PHACTR3: variants seen among roughly 807,000 people sequenced by gnomAD.
PHACTR3 encodes phosphatase and actin regulator 3.
Under a neutral mutation model 66.8 loss-of-function variants are expected in PHACTR3, and 16 were observed. That is an observed-to-expected ratio of 0.24 (90% CI 0.16 to 0.36). The LOEUF is 0.36. Among genes scored for constraint, PHACTR3 ranks in the 10% least tolerant of loss-of-function variants. The pLI, the probability that PHACTR3 is intolerant of heterozygous loss-of-function variation, is 1.00. For synonymous variants in PHACTR3, 323 were observed against 292.1 expected, an observed-to-expected ratio of 1.11 and a Z score of -1.08; for missense variants, 647 against 719.9, an observed-to-expected ratio of 0.90 and a Z score of 1.16.
At chr20:59,822,008 C>CCCTT (rs1233025869) in intron 8 of PHACTR3, among the ~76,000 whole-genome samples, 1 of 142,714 alleles carries the variant, frequency 7.0e-6, no homozygotes, top group Non-Finnish European at 1.5e-5. Flanking sequence ...GCAATCCCAC[C>CCCTT]CCTTCCCCAG....
intron 1 of PHACTR3, among the ~76,000 whole-genome samples, chr20:59,608,805 G>T (rs893106623): frequency 3.9e-5 from 6 of 152,138 alleles, no homozygotes; most frequent in African/African-American, 1.4e-4. Context: ...CCACCCCAGG[G>T]AACTCTGATC....
chr20:59,655,754 A>T, intron 1 of PHACTR3, among the ~76,000 whole-genome samples: 2 of 149,756 alleles, frequency 1.3e-5, no homozygotes, highest in African/African-American at 2.5e-5. Context: ...TTATTTTGAG[A>T]TTTTTCTTTT....
intron 8 of PHACTR3, among the ~76,000 whole-genome samples, chr20:59,809,243 C>T (rs1015732241): frequency 2.6e-5 from 4 of 152,080 alleles, no homozygotes; most frequent in Non-Finnish European, 4.4e-5. Context: ...GGATAGAGCA[C>T]GAGGTCCTAC....
chr20:59,639,560 T>C (rs895822658), intron 1 of PHACTR3, among the ~76,000 whole-genome samples: 2 of 152,184 alleles, frequency 1.3e-5, no homozygotes, highest in Non-Finnish European at 2.9e-5. Flanking sequence ...AGAATATTCA[T>C]AAAGCTGACT....
Position 59,605,152 on chromosome 20 carries a change from C to T in PHACTR3, c.118+20C>T. ...ACCCAGGTAACGGGCTGGGCGGGGGCGGCGGGCGGGTCGGGGAGGCCCGAG... is the reference window on the plus strand; with the variant it reads ...ACCCAGGTAACGGGCTGGGCGGGGGTGGCGGGCGGGTCGGGGAGGCCCGAG... On this transcript the variant is annotated intron_variant, in intron 1 of 12. Coordinates refer to ENST00000371015, the MANE Select transcript of PHACTR3 (RefSeq NM_080672.5). 2 of 262,420 alleles carry T rather than the reference C, an allele frequency of 7.6e-6. No homozygotes were observed. Among genetic ancestry groups the T allele is most frequent in the Non-Finnish European group, 1.4e-5 (2 of 142,340 alleles). The allele number at this position is 262,420 out of a possible 1,614,324, so 16.3% of individuals were successfully genotyped here. A position where few individuals can be genotyped will look rare whatever the true frequency, so the allele number is the denominator to read the frequency against.
At chr20:59,641,715 G>A (rs1160039971) in intron 1 of PHACTR3, among the ~76,000 whole-genome samples, 4 of 152,148 alleles carry the variant, frequency 2.6e-5, no homozygotes, top group African/African-American at 9.7e-5. Flanking sequence ...ACCATCCCAT[G>A]CATATCTATA....
At chr20:59,681,057 G>A (rs895443730) in intron 1 of PHACTR3, among the ~76,000 whole-genome samples, 2 of 152,206 alleles carry the variant, frequency 1.3e-5, no homozygotes, top group African/African-American at 4.8e-5. Context: ...GGGTTTTCAG[G>A]CTGCCTCCTT....
At chr20:59,751,114 C>T (rs142574521) in intron 3 of PHACTR3, among the ~76,000 whole-genome samples, 10 of 152,318 alleles carry the variant, frequency 6.6e-5, no homozygotes, top group South Asian at 2.1e-4. Context: ...GGGGTAGGCA[C>T]GCAGTGCCGC....
At chr20:59,612,688 A>G (rs2033893184) in intron 1 of PHACTR3, among the ~76,000 whole-genome samples, 1 of 152,204 alleles carries the variant, frequency 6.6e-6, no homozygotes, top group Non-Finnish European at 1.5e-5. Flanking sequence ...CTGGCTGACC[A>G]TCCTGTTTTA....
At chr20:59,772,284 G>A (rs1188394325) in intron 5 of PHACTR3, among the ~76,000 whole-genome samples, 1 of 152,222 alleles carries the variant, frequency 6.6e-6, no homozygotes, top group Non-Finnish European at 1.5e-5. Flanking sequence ...AATGAGCAAA[G>A]CCTGTTTAGA....
intron 8 of PHACTR3, among the ~76,000 whole-genome samples, chr20:59,822,360 A>G (rs2042071496): frequency 6.9e-6 from 1 of 144,302 alleles, no homozygotes; most frequent in South Asian, 2.3e-4. Context: ...CACTGGGCCT[A>G]GGATGGGGGG....
rs1371507011 is a variant in PHACTR3, at chr20:59,622,992, A to AAAAAAAAAAAAAAAAAAAAC, written c.118+17869_118+17870insAAAAAAAAAACAAAAAAAAA. 1.4e-5 allele frequency among the ~76,000 whole-genome samples: 2 copies of AAAAAAAAAAAAAAAAAAAAC among 145,176 alleles called. 1 individual carries two copies. The highest frequency in any genetic ancestry group is 3.0e-5 in the Non-Finnish European group (2 of 65,834). Reference sequence around the variant, plus strand: ...ACAGCAGCTTTAACCAAAAAAAAAAAAAAAAAAAACCCAAATCTTCAGCAA... The same window carrying AAAAAAAAAAAAAAAAAAAAC: ...ACAGCAGCTTTAACCAAAAAAAAAAAAAAAAAAAAAAAAAAAAAACAAAAAAAAACCCAAATCTTCAGCAA... On this transcript the variant is annotated intron_variant, in intron 1 of 12. Transcript: ENST00000371015.
Position 59,845,702 on chromosome 20 carries a change from C to T in PHACTR3, c.1664+437C>T, listed in dbSNP as rs568585471. Among the ~76,000 whole-genome samples, 8 of 152,192 alleles carry T rather than the reference C, an allele frequency of 5.3e-5. No individual in the cohort carries two copies. The South Asian group carries it at 8.3e-4, about 16-fold the overall frequency. On this transcript the variant is annotated intron_variant, in intron 12 of 12. Coordinates refer to ENST00000371015, the MANE Select transcript of PHACTR3 (RefSeq NM_080672.5). ...TTAGTCACATCTTTAACACAGCCAG[C>T]GTTCTCCTAAAGCTGAGTATTTGTT...
chr20:59,757,921 G>T (rs1027736949), intron 4 of PHACTR3, among the ~76,000 whole-genome samples: 13 of 152,308 alleles, frequency 8.5e-5, no homozygotes, highest in Admixed American at 4.6e-4. Flanking sequence ...AGTGAGCTGT[G>T]ATCACACCAC....
intron 1 of PHACTR3, chr20:59,676,698 C>T (rs1414855979): frequency 2.0e-6 from 2 of 985,066 alleles, no homozygotes; most frequent in South Asian, 4.7e-5. Flanking sequence ...CTCCAGAAGC[C>T]CGCGGGGAGA....
intron 1 of PHACTR3, among the ~76,000 whole-genome samples, chr20:59,730,625 G>C (rs994893463): frequency 5.3e-5 from 8 of 152,138 alleles, no homozygotes; most frequent in African/African-American, 1.7e-4. Flanking sequence ...AAGAGATCAG[G>C]ATCCAAAACC....
chr20:59,706,616 T>C (rs897704511), intron 1 of PHACTR3, among the ~76,000 whole-genome samples: 5 of 152,254 alleles, frequency 3.3e-5, no homozygotes, highest in Non-Finnish European at 5.9e-5. Context: ...AGCTTGTTCC[T>C]ATAAAGAGAG....
At chr20:59,687,149 T>G (rs1027453276) in intron 1 of PHACTR3, among the ~76,000 whole-genome samples, 1 of 150,948 alleles carries the variant, frequency 6.6e-6, no homozygotes, top group Admixed American at 6.6e-5. Flanking sequence ...ACAGTGATGA[T>G]GACGATGGTG....
chr20:59,806,472 TCCTGGAGGGTGAATTGCTCCACTGG>T (rs1375340952), intron 8 of PHACTR3, among the ~76,000 whole-genome samples: 1 of 152,186 alleles, frequency 6.6e-6, no homozygotes, highest in Non-Finnish European at 1.5e-5. Flanking sequence ...ATCAAATGCC[TCCTGGAGGGTGAATTGCTCCACTGG>T]CCTGTAGCAG....
Sources: allele counts gnomAD v4.1 joint callset (sites outside exome capture counted in the v4.1 genomes callset), GRCh38; gene constraint gnomAD v4.1.1; transcripts MANE v1.5; gene names NCBI Gene and HGNC (gene_info 2026-07-23, HGNC 2026-07-21).